Variants in TCF4 observed in about 807,000 individuals in gnomAD.
TCF4 encodes transcription factor 4.
Under a neutral mutation model 82.1 loss-of-function variants are expected in TCF4, and 3 were observed. That is an observed-to-expected ratio of 0.04 (90% CI 0.02 to 0.09). The LOEUF is 0.09. Ranked by LOEUF, TCF4 falls within the 10% of genes least tolerant of loss-of-function variation. TCF4 has a pLI of 1.00. For missense variants in TCF4, 518 were observed against 852.7 expected (o/e 0.61, Z 4.89); for synonymous variants, 276 against 309.6 (o/e 0.89, Z 1.14).
chr18:55,321,165 C>T, intron 8 of TCF4: 1 of 161,596 alleles, frequency 6.2e-6, no homozygotes, highest in Non-Finnish European at 1.4e-5. Context: ...TTTAACCTTT[C>T]AGGTTCTCTC....
intron 5 of TCF4, chr18:55,404,012 T>A: frequency 2.5e-6 from 3 of 1,199,054 alleles, no homozygotes; most frequent in Non-Finnish European, 3.1e-6. Flanking sequence ...TCTCTCTCTT[T>A]TTTAAAAACT....
intron 3 of TCF4, among the ~76,000 whole-genome samples, chr18:55,555,097 T>A (rs1364252318): frequency 1.3e-5 from 2 of 152,220 alleles, no homozygotes; most frequent in Non-Finnish European, 2.9e-5. Context: ...TAGCTCTCAT[T>A]CATATTTCTT....
intron 2 of TCF4, among the ~76,000 whole-genome samples, chr18:55,622,881 CTGTGTGTGTGTGTG>C (rs1168157065): frequency 6.7e-6 from 1 of 149,730 alleles, no homozygotes; most frequent in African/African-American, 2.5e-5. Flanking sequence ...TTTCTCCACT[CTGTGTGTGTGTGTG>C]TGTGTGTGTT....
intron 4 of TCF4, among the ~76,000 whole-genome samples, chr18:55,462,633 G>A (rs1356013341): frequency 3.3e-5 from 5 of 152,132 alleles, no homozygotes; most frequent in Non-Finnish European, 5.9e-5. Flanking sequence ...AACAGACCTT[G>A]TTTTCTGAAA....
intron 2 of TCF4, among the ~76,000 whole-genome samples, chr18:55,617,984 G>C (rs2097713904): frequency 6.6e-6 from 1 of 152,026 alleles, no homozygotes; most frequent in Non-Finnish European, 1.5e-5. Flanking sequence ...CCAGTACCGT[G>C]TTGAATAGAA....
intron 2 of TCF4, among the ~76,000 whole-genome samples, chr18:55,621,531 A>ATATATAATATATATATAATGTACAT (rs2097718862): frequency 4.2e-5 from 1 of 23,856 alleles, no homozygotes; most frequent in African/African-American, 2.3e-4. Context: ...ATATTATATA[A>ATATATAATATATATATAATGTACAT]TATATATATT....
upstream of TCF4, chr18:55,591,387 T>C (rs895587543): frequency 2.6e-5 from 4 of 152,280 alleles, no homozygotes; most frequent in African/African-American, 7.2e-5. Flanking sequence ...TAGTCATTCT[T>C]TGAACTAAGG....
Position 55,480,147 on chromosome 18 carries a change from T to A in TCF4, c.146-16010A>T, listed in dbSNP as rs1194216046. On this transcript the variant is annotated intron_variant, in intron 3 of 19. Coordinates refer to ENST00000354452, the MANE Select transcript of TCF4 (RefSeq NM_001083962.2). ...CCTGGGAAATTCTGAAGAACATCTT[T>A]AACATCTCACATTGAATGTATCCTC... 2.0e-5 allele frequency among the ~76,000 whole-genome samples: 3 copies of A among 152,132 alleles called. No individual in the cohort carries two copies. In the East Asian group the frequency reaches 5.8e-4, roughly 29 times the overall value.
chr18:55,332,350 G>A (rs1023827519), intron 8 of TCF4: 8 of 151,166 alleles, frequency 5.3e-5, no homozygotes, highest in African/African-American at 1.9e-4. Flanking sequence ...AAATTATTTT[G>A]TTGCATTGTT....
At chr18:55,452,250 G>A (rs1343919577) in intron 5 of TCF4, among the ~76,000 whole-genome samples, 1 of 152,128 alleles carries the variant, frequency 6.6e-6, no homozygotes, top group Non-Finnish European at 1.5e-5. Context: ...TCCAGTCTTG[G>A]CATGTTGTCT....
chr18:55,607,532 T>C (rs2097703227), intron 2 of TCF4, among the ~76,000 whole-genome samples: 3 of 152,132 alleles, frequency 2.0e-5, no homozygotes, highest in Non-Finnish European at 4.4e-5. Flanking sequence ...AGGACAAAAC[T>C]CAGGAGAAGC....
chr18:55,235,753 C>T (rs150544161), intron 15 of TCF4, among the ~76,000 whole-genome samples: 13 of 152,248 alleles, frequency 8.5e-5, no homozygotes, highest in South Asian at 2.1e-4. Flanking sequence ...TTACACAGGA[C>T]GGTGGGTCTA....
At position 55,595,695 on chromosome 18, in the gene TCF4, T is replaced by A. The variant is rs190312589; in HGVS notation, c.287-8559A>T. Among the ~76,000 whole-genome samples the A allele has an allele frequency of 6.6e-5, 10 of 152,318 alleles. No individual in the cohort carries two copies. In the South Asian group the frequency reaches 1.9e-3, roughly 28 times the overall value. The stretch of plus-strand genomic sequence containing the variant: ...CTGAGTGTCCATGGAATTTTGGTAA[T>A]TTAAAGAAGACTGAAAAAGATTTAG... On this transcript the variant is annotated intron_variant, in intron 2 of 20. Coordinates refer to the TCF4 transcript ENST00000398339.
At chr18:55,405,869 C>T (rs538042194) in intron 5 of TCF4, among the ~76,000 whole-genome samples, 1 of 152,186 alleles carries the variant, frequency 6.6e-6, no homozygotes, top group Non-Finnish European at 1.5e-5. Flanking sequence ...ATATCAGATA[C>T]AGACTGCTTA....
rs77663600 is a variant in TCF4, at chr18:55,470,618, A to C, written c.146-6481T>G. Among the ~76,000 whole-genome samples, 947 of 152,296 alleles carry C rather than the reference A, an allele frequency of 6.2e-3. 12 individuals are homozygous for C. Among genetic ancestry groups the C allele is most frequent in the African/African-American group, 0.022 (919 of 41,562 alleles). On this transcript the variant is annotated intron_variant, in intron 3 of 19. Coordinates refer to ENST00000354452, the MANE Select transcript of TCF4 (RefSeq NM_001083962.2). ...CTTTCAGCTTGATTTGAAATAAACAAGTATGAAAGTTACCTAGATTGATTT... is the reference window on the plus strand; with the variant it reads ...CTTTCAGCTTGATTTGAAATAAACACGTATGAAAGTTACCTAGATTGATTT...
chr18:55,312,980 T>C (rs1453712319), intron 8 of TCF4, among the ~76,000 whole-genome samples: 1 of 152,188 alleles, frequency 6.6e-6, no homozygotes, highest in Non-Finnish European at 1.5e-5. Flanking sequence ...TACAAGTTTC[T>C]GCTGCAAATG....
At chr18:55,292,741 C>CAT (rs1327886633) in intron 8 of TCF4, among the ~76,000 whole-genome samples, 3 of 151,282 alleles carry the variant, frequency 2.0e-5, no homozygotes, top group Non-Finnish European at 4.4e-5. Flanking sequence ...TGCGTAGATA[C>CAT]ATATATGTAT....
chr18:55,505,587 G>A (rs1043433158), intron 3 of TCF4, among the ~76,000 whole-genome samples: 1 of 151,672 alleles, frequency 6.6e-6, no homozygotes, highest in Admixed American at 6.6e-5. Flanking sequence ...GGCGGATCAC[G>A]AGGTCAGGAG....
chr18:55,355,544 A>G (rs2144968350), intron 6 of TCF4, among the ~76,000 whole-genome samples: 1 of 152,244 alleles, frequency 6.6e-6, no homozygotes, highest in East Asian at 1.9e-4. Context: ...TATATCTCGC[A>G]CCAAAGGGCA....
Sources: gnomAD v4.1 joint callset for allele counts (sites outside exome capture counted in the v4.1 genomes callset) on GRCh38, gnomAD v4.1.1 for gene constraint, MANE v1.5 for transcripts, NCBI Gene and HGNC (gene_info 2026-07-23, HGNC 2026-07-21) for gene names.